PCDHA12: variants seen among roughly 807,000 people sequenced by gnomAD.
PCDHA12 encodes the protein protocadherin alpha 12, also known as protocadherin alpha-12.
In PCDHA12, 44 loss-of-function variants were observed where a neutral mutation model predicts 60.0. That is an observed-to-expected ratio of 0.73 (90% CI 0.58 to 0.94). PCDHA12 has a LOEUF of 0.94. PCDHA12 is among the 40% of genes least tolerant of loss of function. The probability of loss-of-function intolerance (pLI) is 0.00; values close to 1 mark genes in which losing one functional copy is unlikely to be tolerated. For missense variants in PCDHA12, 1,276 were observed against 1,239.7 expected (o/e 1.03, Z -0.44); for synonymous variants, 569 against 553.0 (o/e 1.03, Z -0.40).
At chr5:140,958,278 T>A (rs1445019557) in intron 1 of PCDHA12, among the ~76,000 whole-genome samples, 1 of 152,090 alleles carries the variant, frequency 6.6e-6, no homozygotes, top group Non-Finnish European at 1.5e-5. Flanking sequence ...GAAGTATATA[T>A]TTTAAATATT....
chr5:140,928,411 A>G, intron 1 of PCDHA12: 2 of 1,614,066 alleles, frequency 1.2e-6, no homozygotes, highest in Non-Finnish European at 1.7e-6. Context: ...CAGTGGGGCC[A>G]TCACTGCCAA....
chr5:140,929,440 CCTT>C, intron 1 of PCDHA12: 2 of 1,448,524 alleles, frequency 1.4e-6, no homozygotes, highest in Non-Finnish European at 1.8e-6. Flanking sequence ...ACTAAACACT[CCTT>C]CTTAGCACTT....
Position 140,929,271 on chromosome 5 carries a change from A to G in PCDHA12, c.2368-49678A>G, listed in dbSNP as rs782266407. 9.9e-6 allele frequency: 16 copies of G among 1,610,716 alleles called. No individual in the cohort carries two copies. In the Admixed American group the frequency reaches 2.7e-4, roughly 27 times the overall value. On this transcript the variant is annotated intron_variant, in intron 1 of 3. Transcript: ENST00000398631. ...CTGGGGTAGGACTGAATTTGCCAAT[A>G]TCCTGTATTCAGATTCGGAATAGGA...
chr5:140,929,645 C>G (rs1271694172), intron 1 of PCDHA12: 1 of 366,374 alleles, frequency 2.7e-6, no homozygotes, highest in Non-Finnish European at 5.0e-6. Context: ...ATGTGTAAGG[C>G]ACTCTAATAT....
intron 1 of PCDHA12, chr5:140,967,277 A>G: frequency 6.2e-7 from 1 of 1,613,326 alleles, no homozygotes; most frequent in African/African-American, 1.3e-5. Context: ...TCACATAGAG[A>G]GTGCGCAGGA....
intron 1 of PCDHA12, among the ~76,000 whole-genome samples, chr5:140,911,106 G>T (rs192768876): frequency 6.6e-6 from 1 of 152,214 alleles, no homozygotes; most frequent in Non-Finnish European, 1.5e-5. Flanking sequence ...TGCCTCAGGG[G>T]AAGCCATCAC....
intron 1 of PCDHA12, among the ~76,000 whole-genome samples, chr5:140,947,996 T>G (rs185303145): frequency 1.1e-4 from 14 of 126,854 alleles, no homozygotes; most frequent in Non-Finnish European, 2.3e-4. Flanking sequence ...CCAAATACTT[T>G]ATTAAATTTA....
At chr5:140,889,042 A>G (rs1395605890) in intron 1 of PCDHA12, among the ~76,000 whole-genome samples, 1 of 152,046 alleles carries the variant, frequency 6.6e-6, no homozygotes, top group African/African-American at 2.4e-5. Context: ...ATTTGATTAT[A>G]ATTTATAATC....
At chr5:140,922,910 A>C (rs1418606862) in intron 1 of PCDHA12, among the ~76,000 whole-genome samples, 4 of 152,228 alleles carry the variant, frequency 2.6e-5, no homozygotes, top group Admixed American at 2.6e-4. Flanking sequence ...TTGAGATACA[A>C]ATAAACTTCA....
intron 3 of PCDHA12, among the ~76,000 whole-genome samples, chr5:141,003,696 T>C (rs1554259206): frequency 6.6e-6 from 1 of 152,210 alleles, no homozygotes; most frequent in East Asian, 1.9e-4. Flanking sequence ...AATATATCCC[T>C]ACCAATTGTG....
chr5:140,984,271 A>G (rs1403531837), intron 3 of PCDHA12, among the ~76,000 whole-genome samples: 1 of 152,196 alleles, frequency 6.6e-6, no homozygotes, highest in African/African-American at 2.4e-5. Context: ...ACTAACTTTG[A>G]ATACATTCTC....
In PCDHA12 at chr5:140,972,718, C is replaced by T. The variant is rs921637217; in HGVS notation, c.2368-6231C>T. Among the ~76,000 whole-genome samples the T allele has an allele frequency of 9.2e-5, 13 of 142,004 alleles. No individual in the cohort carries two copies. In the East Asian group the frequency reaches 2.5e-3, roughly 27 times the overall value. The allele number at this position is 142,004 out of a possible 152,430, so 93.2% of individuals were successfully genotyped here. A position where few individuals can be genotyped will look rare whatever the true frequency, so the allele number is the denominator to read the frequency against. Reference sequence around the variant, plus strand: ...CTCACTCTGTTGCCAGGCTGGAGTGCAGTGGCGTAATCCCGGCTCACTGCA... The same window carrying T: ...CTCACTCTGTTGCCAGGCTGGAGTGTAGTGGCGTAATCCCGGCTCACTGCA... On this transcript the variant is annotated intron_variant, in intron 1 of 3. Coordinates refer to ENST00000398631, the MANE Select transcript of PCDHA12 (RefSeq NM_018903.4).
intron 1 of PCDHA12, among the ~76,000 whole-genome samples, chr5:140,908,608 G>T (rs1350424326): frequency 6.6e-6 from 1 of 152,182 alleles, no homozygotes; most frequent in African/African-American, 2.4e-5. Flanking sequence ...GAAGGGCCTT[G>T]CTCCAAAATC....
At chr5:140,881,791 T>C (rs1487248430) in intron 1 of PCDHA12, among the ~76,000 whole-genome samples, 9 of 152,204 alleles carry the variant, frequency 5.9e-5, no homozygotes, top group Admixed American at 5.9e-4. Context: ...CGATCAATTG[T>C]CCCAAAACGA....
intron 2 of PCDHA12, among the ~76,000 whole-genome samples, chr5:140,981,956 T>C (rs2096959461): frequency 6.6e-6 from 1 of 152,184 alleles, no homozygotes; most frequent in Non-Finnish European, 1.5e-5. Flanking sequence ...GGGTCATCTA[T>C]GCATAAAAGA....
At chr5:140,887,254 G>A (rs924715341) in intron 1 of PCDHA12, among the ~76,000 whole-genome samples, 4 of 151,790 alleles carry the variant, frequency 2.6e-5, no homozygotes, top group Admixed American at 2.0e-4. Context: ...CCGCCACCAC[G>A]CCCTGCTAAT....
intron 1 of PCDHA12, chr5:140,967,333 C>T (rs113984883): frequency 1.9e-6 from 3 of 1,608,148 alleles, no homozygotes; most frequent in Admixed American, 1.7e-5. Context: ...AGCTCAGCCC[C>T]AGCGAGCACT....
At chr5:140,884,621 G>C (rs116377419) in intron 1 of PCDHA12, 2 of 1,613,996 alleles carry the variant, frequency 1.2e-6, no homozygotes, top group South Asian at 2.2e-5. Context: ...TTCTGCAGAG[G>C]GAACAGGCCA....
intron 3 of PCDHA12, among the ~76,000 whole-genome samples, chr5:140,986,013 A>C (rs544858025): frequency 6.6e-6 from 1 of 152,298 alleles, no homozygotes; most frequent in Admixed American, 6.5e-5. Flanking sequence ...TGCTGGGATT[A>C]CAGGCGTGAG....
Sources: allele counts gnomAD v4.1 joint callset (sites outside exome capture counted in the v4.1 genomes callset), GRCh38; gene constraint gnomAD v4.1.1; transcripts MANE v1.5; gene names NCBI Gene and HGNC (gene_info 2026-07-23, HGNC 2026-07-21).